WASHC2A: variants seen among roughly 807,000 people sequenced by gnomAD.
WASHC2A encodes the protein WASH complex subunit FAM21A.
In WASHC2A, 82 loss-of-function variants were observed where a neutral mutation model predicts 140.3. The observed-to-expected ratio is 0.58, with a 90% CI of 0.49 to 0.70. The LOEUF is 0.70. Ranked by LOEUF, WASHC2A falls within the 30% of genes least tolerant of loss-of-function variation. The pLI, the probability that WASHC2A is intolerant of heterozygous loss-of-function variation, is 0.00. For missense variants in WASHC2A, 985 were observed against 1,521.8 expected (o/e 0.65, Z 5.87); for synonymous variants, 340 against 560.8 (o/e 0.61, Z 5.56).
intron 3 of WASHC2A, among the ~76,000 whole-genome samples, chr10:50,075,048 G>A (rs1295366432): frequency 1.3e-5 from 2 of 149,912 alleles, no homozygotes; most frequent in African/African-American, 4.9e-5. Context: ...TTTTCTAGAT[G>A]ACGGTATGTG....
intron 20 of WASHC2A, chr10:50,112,127 C>T (rs1490575936): frequency 1.2e-5 from 12 of 984,890 alleles, no homozygotes; most frequent in Non-Finnish European, 1.4e-5. Flanking sequence ...ACACCCTCAG[C>T]TGAGCATTTT....
At chr10:50,101,097 TAG>T (rs1841102359) in intron 17 of WASHC2A, among the ~76,000 whole-genome samples, 1 of 152,310 alleles carries the variant, frequency 6.6e-6, no homozygotes, top group South Asian at 2.1e-4. Context: ...CCTTTGGAAG[TAG>T]AGTGATTGCC....
intron 16 of WASHC2A, among the ~76,000 whole-genome samples, chr10:50,098,136 C>T (rs1840675780): frequency 6.6e-6 from 1 of 152,062 alleles, no homozygotes; most frequent in Non-Finnish European, 1.5e-5. Flanking sequence ...CATTAAGCCT[C>T]TCTTGAAAAG....
chr10:50,072,572 T>C (rs1309295685), intron 3 of WASHC2A, among the ~76,000 whole-genome samples: 1 of 138,332 alleles, frequency 7.2e-6, no homozygotes, highest in Non-Finnish European at 1.5e-5. Flanking sequence ...CTGCAAGCTC[T>C]ACCTCCCGGG....
At chr10:50,074,777 G>A (rs61856715) in intron 3 of WASHC2A, among the ~76,000 whole-genome samples, 28,110 of 152,020 alleles carry the variant, frequency 0.18, 3,376 homozygotes, top group East Asian at 0.6. Context: ...TTAGCCAGGC[G>A]TGGTGGCAGG....
At chr10:50,078,580 C>T (rs1448766018) in intron 3 of WASHC2A, 95 bp from the exon 4 acceptor site, 1 of 1,611,558 alleles carries the variant, frequency 6.2e-7, no homozygotes, top group Admixed American at 1.7e-5. Flanking sequence ...TTTCCTTCCC[C>T]ATCTTTGTCC....
At chr10:50,109,204 A>G (rs1265158023) in intron 19 of WASHC2A, among the ~76,000 whole-genome samples, 1 of 152,196 alleles carries the variant, frequency 6.6e-6, no homozygotes, top group African/African-American at 2.4e-5. Flanking sequence ...GACTCCAGAG[A>G]TAGAGCACTT....
At chr10:50,128,340 C>G (rs1843630207) in intron 28 of WASHC2A, among the ~76,000 whole-genome samples, 3 of 152,252 alleles carry the variant, frequency 2.0e-5, no homozygotes, top group Admixed American at 6.5e-5. Flanking sequence ...GAATGCTCCT[C>G]TCTGTCCACA....
At chr10:50,126,244 T>C (rs782521308) in intron 26 of WASHC2A, 65 bp downstream of exon 26, 1 of 1,610,882 alleles carries the variant, frequency 6.2e-7, no homozygotes, top group Admixed American at 1.7e-5. Flanking sequence ...AATTCCATTA[T>C]GCAGACCCAC....
chr10:50,129,727 T>C lies in WASHC2A; in HGVS notation c.3396T>C (p.Ser1132=). The change falls in exon 29 of 31, where the codon TCT becomes TCC. Residue 1132 remains serine (S), a synonymous_variant. Transcript: ENST00000282633. ...HSRGEADLFD[S]GDIFSTGTGS... ...GAGGGGAGGCTGACCTTTTTGATTC[T>C]GGGGACATCTTTTCCACGGGCACTG... 2 of 1,612,074 alleles carry C rather than the reference T, an allele frequency of 1.2e-6. No homozygotes were observed. Among genetic ancestry groups the C allele is most frequent in the Non-Finnish European group, 1.7e-6 (2 of 1,179,876 alleles).
intron 17 of WASHC2A, among the ~76,000 whole-genome samples, chr10:50,102,640 G>T (rs1303290663): frequency 7.0e-6 from 1 of 143,850 alleles, no homozygotes; most frequent in African/African-American, 2.7e-5. Context: ...TCTATATTTA[G>T]GAGTAGACAG....
At chr10:50,100,277 T>G (rs1840986390) in intron 17 of WASHC2A, among the ~76,000 whole-genome samples, 1 of 151,698 alleles carries the variant, frequency 6.6e-6, no homozygotes, top group Non-Finnish European at 1.5e-5. Context: ...AGGTCAGGAG[T>G]TGGAGACCAG....
chr10:50,133,038 A>G lies in WASHC2A; in HGVS notation c.*93A>G, dbSNP rs1186323884. The G allele has an allele frequency of 6.2e-5, 99 of 1,604,514 alleles. No individual in the cohort carries two copies. The highest frequency in any genetic ancestry group is 2.3e-4 in the Middle Eastern group (1 of 4,402). On this transcript the variant is annotated 3_prime_UTR_variant, in exon 31 of 31. Coordinates refer to ENST00000282633, the MANE Select transcript of WASHC2A (RefSeq NM_001005751.3). ...TGATGGTCTTAACTGGATTACAAAA[A>G]GCAAATACTAGAACAGCTAGCTCAT...
At chr10:50,095,512 G>A in intron 14 of WASHC2A, 87 bp from the exon 15 acceptor site, 7 of 1,539,684 alleles carry the variant, frequency 4.5e-6, no homozygotes, top group Non-Finnish European at 6.2e-6. Context: ...GAAATGGAAA[G>A]TTTTTGGTGG....
chr10:50,095,547 A>G (rs1840402924), intron 14 of WASHC2A, 52 bp from the exon 15 acceptor site: 3 of 1,607,482 alleles, frequency 1.9e-6, no homozygotes, highest in Admixed American at 1.7e-5. Flanking sequence ...CTGTAAATTC[A>G]ACCGGCCCAC....
chr10:50,100,847 C>G (rs1388203392), intron 17 of WASHC2A, among the ~76,000 whole-genome samples: 1 of 152,308 alleles, frequency 6.6e-6, no homozygotes, highest in Non-Finnish European at 1.5e-5. Flanking sequence ...TTAGAACCAC[C>G]TCTCAGAATT....
Position 50,133,343 on chromosome 10 carries a change from A to T in WASHC2A, c.*398A>T. The T allele has an allele frequency of 4.1e-6, 2 of 491,558 alleles. No individual in the cohort carries two copies. Among genetic ancestry groups the T allele is most frequent in the Admixed American group, 2.3e-5 (1 of 43,232 alleles). The allele number at this position is 491,558 out of a possible 1,614,324, so 30.4% of individuals were successfully genotyped here. The stretch of plus-strand genomic sequence containing the variant: ...CTAACTTAGGGCCTGGGCAGGGGAA[A>T]GAGAAAGAAGGTGAGAGATTATACT... On this transcript the variant is annotated 3_prime_UTR_variant, in exon 31 of 31. Transcript: ENST00000282633.
chr10:50,115,514 G>A (rs1174744117), intron 21 of WASHC2A, among the ~76,000 whole-genome samples: 1 of 132,988 alleles, frequency 7.5e-6, no homozygotes, highest in African/African-American at 2.8e-5. Flanking sequence ...CGGTGACATT[G>A]AATATAAGAT....
chr10:50,132,155 G>A (rs1440398563), intron 30 of WASHC2A, among the ~76,000 whole-genome samples: 2 of 152,176 alleles, frequency 1.3e-5, no homozygotes, highest in East Asian at 1.9e-4. Context: ...GCCTGTTGAC[G>A]GCAATCTCAG....
Sources: allele counts gnomAD v4.1 joint callset (sites outside exome capture counted in the v4.1 genomes callset), GRCh38; gene constraint gnomAD v4.1.1; transcripts MANE v1.5; gene names NCBI Gene and HGNC (gene_info 2026-07-23, HGNC 2026-07-21).